The following TGFBR3 variants were observed in gnomAD, a reference collection of about 807,000 sequenced individuals.
The protein encoded by TGFBR3 is transforming growth factor beta receptor type 3.
A neutral mutation model predicts 87.9 loss-of-function variants in TGFBR3; 46 were observed. The observed-to-expected ratio is 0.52, with a 90% confidence interval of 0.41 to 0.67. The LOEUF is 0.67. TGFBR3 is among the 30% of genes least tolerant of loss of function. The pLI, the probability that TGFBR3 is intolerant of heterozygous loss-of-function variation, is 0.00. For missense variants in TGFBR3, 866 were observed against 1,041.9 expected (o/e 0.83, Z 2.32); for synonymous variants, 381 against 391.6 (o/e 0.97, Z 0.32).
chr1:91,683,756 T>C lies in TGFBR3; in HGVS notation c.2539A>G (p.Ser847Gly). 6.3e-7 allele frequency: 1 copy of C among 1,587,368 alleles called. No homozygotes were observed. Among genetic ancestry groups the C allele is most frequent in the Non-Finnish European group, 8.5e-7 (1 of 1,170,490 alleles). The change falls in exon 17 of 17, where the codon AGC becomes GGC. Residue 847 changes from serine to glycine, a missense_variant. Ser to Gly is a moderately conservative substitution (Grantham distance 56). Coordinates refer to ENST00000212355, the MANE Select transcript of TGFBR3 (RefSeq NM_003243.5). The stretch of plus-strand genomic sequence containing the variant: ...GGGTTGGGCTAGGCCGTGCTGCTGC[T>C]GGAGCAAGGCGTGCTCTGCGTGCTG... Reference protein sequence around the residue: ...IGSTQSTPCSSSSTA With the variant: ...IGSTQSTPCSGSSTA
chr1:91,746,790 G>C (rs12121039), intron 4 of TGFBR3, among the ~76,000 whole-genome samples: 23,847 of 151,932 alleles, frequency 0.16, 2,002 homozygotes, highest in East Asian at 0.25. Flanking sequence ...AATTGAAGCT[G>C]ACAGAAGCTA....
At chr1:91,725,692 ACAG>A (rs1205843244) in intron 7 of TGFBR3, among the ~76,000 whole-genome samples, 1 of 152,212 alleles carries the variant, frequency 6.6e-6, no homozygotes, top group Non-Finnish European at 1.5e-5. Context: ...TACCCATTTC[ACAG>A]GTGACCAAAC....
At chr1:91,724,557 G>A (rs1672486253) in intron 7 of TGFBR3, among the ~76,000 whole-genome samples, 2 of 152,120 alleles carry the variant, frequency 1.3e-5, no homozygotes, top group African/African-American at 4.8e-5. Flanking sequence ...ATTAAATCTA[G>A]GAGCTGTCAA....
At chr1:91,710,747 T>C (rs1446285900) in intron 13 of TGFBR3, among the ~76,000 whole-genome samples, 2 of 152,106 alleles carry the variant, frequency 1.3e-5, no homozygotes, top group African/African-American at 4.8e-5. Flanking sequence ...ATTATAACAG[T>C]ATATGAGGAA....
Position 91,734,784 on chromosome 1 carries a change from A to G in TGFBR3, c.560T>C (p.Val187Ala), listed in dbSNP as rs1672903804. The change falls in exon 5 of 17, where the codon GTG (valine) becomes GCG (alanine). Residue 187 changes from valine to alanine, a missense_variant. Coordinates refer to ENST00000212355, the MANE Select transcript of TGFBR3 (RefSeq NM_003243.5). ...LKIARNIYIKVGEDQVFPPKC... is the reference protein window; with the variant it reads ...LKIARNIYIKAGEDQVFPPKC... ...AGCCACATAAAATTTACCTTCCCCC[A>G]CTTTAATATAAATGTTTCTTGCTAT... 1 of 1,614,024 alleles carries G rather than the reference A, an allele frequency of 6.2e-7. No homozygotes were observed. The highest frequency in any genetic ancestry group is 8.5e-7 in the Non-Finnish European group (1 of 1,180,006).
intron 3 of TGFBR3, among the ~76,000 whole-genome samples, chr1:91,787,956 A>AAAAAAAAAAAAAAAAAAAC (rs906528422): frequency 2.7e-5 from 4 of 150,154 alleles, no homozygotes; most frequent in African/African-American, 9.9e-5. Flanking sequence ...AAAAAAAAAA[A>AAAAAAAAAAAAAAAAAAAC]CCCCAAGAAG....
intron 3 of TGFBR3, among the ~76,000 whole-genome samples, chr1:91,788,939 C>G (rs893453054): frequency 1.3e-5 from 2 of 152,188 alleles, no homozygotes; most frequent in African/African-American, 4.8e-5. Context: ...GGTCAGGGTT[C>G]TAACCCTAAC....
At chr1:91,743,065 T>A (rs1378713127) in intron 4 of TGFBR3, among the ~76,000 whole-genome samples, 5 of 152,166 alleles carry the variant, frequency 3.3e-5, no homozygotes, top group South Asian at 2.1e-4. Context: ...CCTCAGCGGA[T>A]CCACGGAAGC....
At chr1:91,733,569 G>A (rs1005312890) in intron 5 of TGFBR3, among the ~76,000 whole-genome samples, 29 of 152,142 alleles carry the variant, frequency 1.9e-4, no homozygotes, top group African/African-American at 6.8e-4. Flanking sequence ...TCCCTGTCTT[G>A]TCTATGAGGA....
At chr1:91,798,551 A>T (rs904386437) in intron 2 of TGFBR3, among the ~76,000 whole-genome samples, 1 of 152,028 alleles carries the variant, frequency 6.6e-6, no homozygotes, top group African/African-American at 2.4e-5. Context: ...CCCCCACAAC[A>T]AACATCTCAA....
At chr1:91,866,542 C>T (rs967062743) in intron 1 of TGFBR3, among the ~76,000 whole-genome samples, 6 of 152,128 alleles carry the variant, frequency 3.9e-5, no homozygotes, top group African/African-American at 9.7e-5. Flanking sequence ...AGCTTATATC[C>T]GAGTAAAAAT....
At chr1:91,729,204 A>G (rs1480542828) in intron 6 of TGFBR3, among the ~76,000 whole-genome samples, 3 of 131,214 alleles carry the variant, frequency 2.3e-5, no homozygotes, top group Non-Finnish European at 5.1e-5. Flanking sequence ...CACCAAGCAC[A>G]CAAGGGAGAG....
At chr1:91,880,564 C>T (rs1001543885) in intron 1 of TGFBR3, among the ~76,000 whole-genome samples, 1 of 151,946 alleles carries the variant, frequency 6.6e-6, no homozygotes, top group African/African-American at 2.4e-5. Flanking sequence ...CGCCACTGCA[C>T]TCCACCCTGG....
In TGFBR3 at chr1:91,681,905, A is replaced by G. The variant is rs1557652584; in HGVS notation, c.*1834T>C. 1 of 448,814 alleles carries G rather than the reference A, an allele frequency of 2.2e-6. No individual in the cohort carries two copies. Among genetic ancestry groups the G allele is most frequent in the Non-Finnish European group, 4.4e-6 (1 of 225,480 alleles). 27.8% of individuals were successfully genotyped at this position (448,814 alleles called of 1,614,324 possible). On this transcript the variant is annotated 3_prime_UTR_variant, in exon 17 of 17. Transcript: ENST00000212355. ...CCACTCTGATACCCTTCTGTTAAAAAAAAATTAAAGGAAAAAAATTCTCTA... is the reference window on the plus strand; with the variant it reads ...CCACTCTGATACCCTTCTGTTAAAAGAAAATTAAAGGAAAAAAATTCTCTA...
chr1:91,807,417 C>T (rs1571531031), intron 2 of TGFBR3, among the ~76,000 whole-genome samples: 1 of 152,354 alleles, frequency 6.6e-6, no homozygotes, highest in Non-Finnish European at 1.5e-5. Flanking sequence ...ACAAACTAAC[C>T]CTCTTCCAAG....
chr1:91,720,330 G>A, intron 8 of TGFBR3, 100 bp from the exon 9 acceptor site: 2 of 1,178,436 alleles, frequency 1.7e-6, no homozygotes, highest in South Asian at 1.3e-5. Flanking sequence ...GAATGGGCAG[G>A]TGTAAAATGA....
At chr1:91,878,841 C>G (rs1678961309) in intron 1 of TGFBR3, among the ~76,000 whole-genome samples, 1 of 152,240 alleles carries the variant, frequency 6.6e-6, no homozygotes, top group South Asian at 2.1e-4. Flanking sequence ...CTGCAAACAA[C>G]ACCCAACTCC....
chr1:91,863,173 A>G (rs889752060), intron 1 of TGFBR3, among the ~76,000 whole-genome samples: 2 of 152,168 alleles, frequency 1.3e-5, no homozygotes, highest in African/African-American at 4.8e-5. Flanking sequence ...AGTATTACCT[A>G]TCCAGAAATA....
intron 2 of TGFBR3, among the ~76,000 whole-genome samples, chr1:91,854,703 T>C (rs2450927): frequency 0.12 from 18,921 of 152,050 alleles, 1,466 homozygotes; most frequent in East Asian, 0.39. Context: ...CATCATGATG[T>C]ACACCATAAA....
Sources: allele counts gnomAD v4.1 joint callset (sites outside exome capture counted in the v4.1 genomes callset), GRCh38; gene constraint gnomAD v4.1.1; transcripts MANE v1.5; gene names NCBI Gene and HGNC (gene_info 2026-07-23, HGNC 2026-07-21).